The following SPOCK1 variants were observed in gnomAD, a reference collection of about 807,000 sequenced individuals.
SPOCK1 encodes the protein testican-1.
In SPOCK1, 23 loss-of-function variants were observed where a neutral mutation model predicts 55.3. The observed-to-expected ratio is 0.42, with a 90% CI of 0.30 to 0.59. The LOEUF is 0.59. Among genes scored for constraint, SPOCK1 ranks in the 20% least tolerant of loss-of-function variants. SPOCK1 has a pLI of 0.22. For missense variants in SPOCK1, 499 were observed against 552.5 expected (o/e 0.90, Z 0.97); for synonymous variants, 226 against 221.0 (o/e 1.02, Z -0.20).
intron 3 of SPOCK1, among the ~76,000 whole-genome samples, chr5:137,146,354 C>T (rs763296635): frequency 6.6e-6 from 1 of 152,184 alleles, no homozygotes; most frequent in African/African-American, 2.4e-5. Flanking sequence ...GAACTCCTGG[C>T]CCACTCTGGT....
chr5:137,112,681 C>T lies in SPOCK1; in HGVS notation c.348-120G>A, dbSNP rs540364993. The T allele has an allele frequency of 7.9e-6, 10 of 1,261,044 alleles. No individual in the cohort carries two copies. The South Asian group carries it at 1.6e-4, about 20-fold the overall frequency. 78.1% of individuals were successfully genotyped at this position (1,261,044 alleles called of 1,614,324 possible). ...GGACTATCCAACCAGGCCAAGGGAT[C>T]CTGAGGGCCTTAGCCAGCACTTCCA... On this transcript the variant is annotated intron_variant, in intron 4 of 10. Transcript: ENST00000394945.
At position 137,095,364 on chromosome 5, in the gene SPOCK1, A is replaced by C. The variant is rs116730170; in HGVS notation, c.474+17071T>G. On this transcript the variant is annotated intron_variant, in intron 5 of 10. Coordinates refer to ENST00000394945, the MANE Select transcript of SPOCK1 (RefSeq NM_004598.4). ...TTGTAAAAAAAACCTTAGTATCTGC[A>C]AAGCACAATAAAAGAACATTCATTA... Among the ~76,000 whole-genome samples, 711 of 152,348 alleles carry C rather than the reference A, an allele frequency of 4.7e-3. 2 individuals carry two copies. Among genetic ancestry groups the C allele is most frequent in the African/African-American group, 0.016 (675 of 41,578 alleles).
rs1380933431 is a variant in SPOCK1, at chr5:137,132,005, T to A, written c.347+8575A>T. ...AAAAAAAAAAATATATATATATATA[T>A]ATATATATATATATAAAAAATTAGC... On this transcript the variant is annotated intron_variant, in intron 4 of 10. Transcript: ENST00000394945. Among the ~76,000 whole-genome samples, 129 of 80,214 alleles carry A rather than the reference T, an allele frequency of 1.6e-3. 1 individual carries two copies. Among genetic ancestry groups the A allele is most frequent in the Non-Finnish European group, 2.4e-3 (105 of 43,214 alleles). The allele number at this position is 80,214 out of a possible 152,430, so 52.6% of individuals were successfully genotyped here. A position where few individuals can be genotyped will look rare whatever the true frequency, so the allele number is the denominator to read the frequency against.
intron 2 of SPOCK1, among the ~76,000 whole-genome samples, chr5:137,314,145 C>A (rs1360108923): frequency 6.6e-6 from 1 of 151,972 alleles, no homozygotes; most frequent in African/African-American, 2.4e-5. Context: ...CCCAGCCCCT[C>A]CCCAGCCTGA....
At position 137,384,576 on chromosome 5, in the gene SPOCK1, A is replaced by ATATATATATATATATATATATATATG. The variant is rs747142799; in HGVS notation, c.186+113796_186+113797insCATATATATATATATATATATATATA. Among the ~76,000 whole-genome samples, 383 of 140,190 alleles carry ATATATATATATATATATATATATATG rather than the reference A, an allele frequency of 2.7e-3. 5 individuals carry two copies. The highest frequency in any genetic ancestry group is 1.0e-2 in the African/African-American group (359 of 35,948). The allele number at this position is 140,190 out of a possible 152,430, so 92.0% of individuals were successfully genotyped here. ...TATACATACATACATATATATATAT[A>ATATATATATATATATATATATATATG]TATGTATGTATTTTTTTTTCCCCCT... On this transcript the variant is annotated intron_variant, in intron 2 of 10. Transcript: ENST00000394945.
intron 2 of SPOCK1, among the ~76,000 whole-genome samples, chr5:137,435,842 G>A (rs1033371008): frequency 4.6e-5 from 7 of 151,694 alleles, no homozygotes; most frequent in African/African-American, 1.5e-4. Context: ...TTTCTTGGGG[G>A]AGTTTTTTTA....
chr5:137,175,401 A>G (rs1284560097), intron 3 of SPOCK1, among the ~76,000 whole-genome samples: 1 of 152,208 alleles, frequency 6.6e-6, no homozygotes, highest in Non-Finnish European at 1.5e-5. Flanking sequence ...GTTGTAGTCT[A>G]TAATTAGCAT....
chr5:137,483,799 A>T (rs1753996787), intron 2 of SPOCK1, among the ~76,000 whole-genome samples: 2 of 152,048 alleles, frequency 1.3e-5, no homozygotes, highest in African/African-American at 4.8e-5. Context: ...CTGGGGCAAA[A>T]TCTCCTGGCT....
chr5:137,164,109 T>C (rs11750026), intron 3 of SPOCK1, among the ~76,000 whole-genome samples: 19,345 of 152,240 alleles, frequency 0.13, 1,413 homozygotes, highest in East Asian at 0.23. Context: ...TGCTGCCCCA[T>C]AAATTCTCTC....
chr5:137,075,471 A>G (rs1752739204), intron 5 of SPOCK1, among the ~76,000 whole-genome samples: 2 of 152,220 alleles, frequency 1.3e-5, no homozygotes, highest in Non-Finnish European at 2.9e-5. Flanking sequence ...GATTTGTTAA[A>G]GGGCCAAGTG....
chr5:137,432,465 T>C (rs968542853), intron 2 of SPOCK1, among the ~76,000 whole-genome samples: 3 of 152,140 alleles, frequency 2.0e-5, no homozygotes, highest in African/African-American at 7.2e-5. Flanking sequence ...CATGAATGAA[T>C]CCTAAAGACA....
intron 3 of SPOCK1, among the ~76,000 whole-genome samples, chr5:137,176,846 G>T (rs1355834221): frequency 6.6e-6 from 1 of 152,162 alleles, no homozygotes; most frequent in African/African-American, 2.4e-5. Flanking sequence ...TAAAGCCCTG[G>T]TTTCTCTTCT....
At chr5:137,188,727 C>G (rs1755120067) in intron 3 of SPOCK1, among the ~76,000 whole-genome samples, 2 of 152,214 alleles carry the variant, frequency 1.3e-5, no homozygotes, top group African/African-American at 4.8e-5. Flanking sequence ...ACATCTCTCA[C>G]TTTAAATCAA....
chr5:137,319,405 T>C (rs1356312043), intron 2 of SPOCK1, among the ~76,000 whole-genome samples: 2 of 152,350 alleles, frequency 1.3e-5, no homozygotes, highest in African/African-American at 2.4e-5. Context: ...AACACATTTT[T>C]CCAATATGCT....
chr5:137,027,726 A>G (rs1282035204), intron 6 of SPOCK1, among the ~76,000 whole-genome samples: 1 of 152,182 alleles, frequency 6.6e-6, no homozygotes, highest in African/African-American at 2.4e-5. Context: ...ACCCCCTTGC[A>G]GAGCTTATCA....
intron 2 of SPOCK1, among the ~76,000 whole-genome samples, chr5:137,495,331 A>G (rs1754276660): frequency 6.6e-6 from 1 of 152,218 alleles, no homozygotes; most frequent in Admixed American, 6.5e-5. Context: ...GGGATATGGA[A>G]CACGCACCCC....
intron 2 of SPOCK1, among the ~76,000 whole-genome samples, chr5:137,330,543 C>A (rs1343322464): frequency 1.3e-5 from 2 of 152,208 alleles, no homozygotes; most frequent in Non-Finnish European, 2.9e-5. Context: ...AATGTGAATG[C>A]AAGGCTGATA....
intron 2 of SPOCK1, among the ~76,000 whole-genome samples, chr5:137,436,734 G>A (rs1451351672): frequency 6.6e-6 from 1 of 152,132 alleles, no homozygotes; most frequent in Non-Finnish European, 1.5e-5. Flanking sequence ...AGAGAAACTG[G>A]CAGCACATAT....
At chr5:137,165,109 G>A (rs1347121246) in intron 3 of SPOCK1, among the ~76,000 whole-genome samples, 1 of 152,202 alleles carries the variant, frequency 6.6e-6, no homozygotes, top group Non-Finnish European at 1.5e-5. Context: ...GTAGGCCTTG[G>A]GCAAGAACCA....
Sources: gnomAD v4.1 joint callset for allele counts (sites outside exome capture counted in the v4.1 genomes callset) on GRCh38, gnomAD v4.1.1 for gene constraint, MANE v1.5 for transcripts, NCBI Gene and HGNC (gene_info 2026-07-23, HGNC 2026-07-21) for gene names.